The following DCDC2B variants were observed in gnomAD, a reference collection of about 807,000 sequenced individuals.
DCDC2B encodes the protein doublecortin domain-containing protein 2B.
In DCDC2B, 41 loss-of-function variants were observed where a neutral mutation model predicts 38.9. That is an observed-to-expected ratio of 1.05 (90% CI 0.82 to 1.37). The LOEUF is 1.37. Among genes scored for constraint, DCDC2B ranks in the 40% most tolerant of loss-of-function variants. The pLI, the probability that DCDC2B is intolerant of heterozygous loss-of-function variation, is 0.00. For synonymous variants in DCDC2B, 181 were observed against 171.9 expected, an observed-to-expected ratio of 1.05 and a Z score of -0.41; for missense variants, 453 against 427.2, an observed-to-expected ratio of 1.06 and a Z score of -0.53.
intron 2 of DCDC2B, among the ~76,000 whole-genome samples, chr1:32,211,538 G>A (rs532755997): frequency 1.2e-4 from 19 of 152,334 alleles, no homozygotes; most frequent in African/African-American, 4.3e-4. Context: ...GGTCCCCAAA[G>A]GAAAGAGAAA....
chr1:32,211,723 C>A, intron 2 of DCDC2B, 38 bp from the exon 3 acceptor site: 1 of 1,570,516 alleles, frequency 6.4e-7, no homozygotes, highest in East Asian at 2.4e-5. Flanking sequence ...ACCAAAGGCC[C>A]CAACTCTCCT....
Position 32,214,810 on chromosome 1 carries a change from G to A in DCDC2B, c.728G>A (p.Arg243Lys), listed in dbSNP as rs1183074049. 1 of 1,613,948 alleles carries A rather than the reference G, an allele frequency of 6.2e-7. No homozygotes were observed. ...TCCCTTCTCTAGGCCCAAGGCCACA[G>A]GGCCCAGGTAACCCAGCCCTCTCCA... is the stretch of plus-strand genomic sequence containing the variant. ...RPHRQGAQGH[R>K]AQVTQPSPKE... The change falls in exon 7 of 9, where the codon AGG (arginine) becomes AAG (lysine). Residue 243 changes from arginine (R) to lysine (K), a missense_variant. Coordinates refer to ENST00000409358, the MANE Select transcript of DCDC2B (RefSeq NM_001099434.2).
chr1:32,209,294 C>T lies in DCDC2B; in HGVS notation c.201C>T (p.Asn67=). 1.2e-6 allele frequency: 2 copies of T among 1,613,998 alleles called. No homozygotes were observed. The highest frequency in any genetic ancestry group is 1.7e-6 in the Non-Finnish European group (2 of 1,179,892). ...CTTGTCATGGCCACCCTGTCACCAA[C>T]CTGGCAGACTTGAAGAACAGAGGGC... ...YTPCHGHPVT[N]LADLKNRGQY... The change falls in exon 1 of 9, where the codon AAC becomes AAT. Residue 67 remains asparagine (N), a synonymous_variant. Coordinates refer to ENST00000409358, the MANE Select transcript of DCDC2B (RefSeq NM_001099434.2).
intron 7 of DCDC2B, 139 bp from the exon 8 acceptor site, chr1:32,215,301 C>G: frequency 1.4e-6 from 1 of 732,090 alleles, no homozygotes; most frequent in Non-Finnish European, 2.2e-6. Flanking sequence ...CCACCTCTCA[C>G]TTCCTTGCCA....
chr1:32,212,689 C>T, intron 5 of DCDC2B, 53 bp downstream of exon 5: 3 of 1,613,112 alleles, frequency 1.9e-6, no homozygotes, highest in Non-Finnish European at 2.5e-6. Flanking sequence ...AAGCCACCCT[C>T]TGGGTCTGTG....
At chr1:32,210,744 C>G (rs1044573979) in intron 1 of DCDC2B, among the ~76,000 whole-genome samples, 1 of 151,586 alleles carries the variant, frequency 6.6e-6, no homozygotes, top group Non-Finnish European at 1.5e-5. Flanking sequence ...GGGTCTTGCT[C>G]TGTCACCCAG....
chr1:32,209,329 C>T lies in DCDC2B; in HGVS notation c.236C>T (p.Ala79Val). The stretch of plus-strand genomic sequence containing the variant: ...TTGAAGAACAGAGGGCAGTATGTGG[C>T]CGCTGGATTTGAACGATTCCACAAG... Reference protein sequence around the residue: ...ADLKNRGQYVAAGFERFHKLH... With the variant: ...ADLKNRGQYVVAGFERFHKLH... The change falls in exon 1 of 9, where the codon GCC becomes GTC. Residue 79 changes from alanine to valine, a missense_variant. Transcript: ENST00000409358. 1 of 1,613,966 alleles carries T rather than the reference C, an allele frequency of 6.2e-7. No individual in the cohort carries two copies. The highest frequency in any genetic ancestry group is 1.1e-5 in the South Asian group (1 of 91,080).
At chr1:32,215,108 CGT>C in intron 7 of DCDC2B, 176 bp downstream of exon 7, 1 of 881,768 alleles carries the variant, frequency 1.1e-6, no homozygotes, top group Non-Finnish European at 1.6e-6. Context: ...GGAGACTGCC[CGT>C]AAAAAAAAAA....
At chr1:32,212,406 T>C in intron 4 of DCDC2B, 84 bp from the exon 5 acceptor site, 3 of 1,574,836 alleles carry the variant, frequency 1.9e-6, no homozygotes, top group Non-Finnish European at 2.6e-6. Context: ...CACCTTGGAA[T>C]AGCTGCACCC....
chr1:32,212,268 G>A (rs1643618309), intron 4 of DCDC2B, 67 bp downstream of exon 4: 2 of 1,589,862 alleles, frequency 1.3e-6, no homozygotes, highest in Admixed American at 1.7e-5. Context: ...TTCAGCTGTG[G>A]CTGAGGATGA....
At chr1:32,211,383 C>A in intron 2 of DCDC2B, 60 bp downstream of exon 2, 1 of 1,587,352 alleles carries the variant, frequency 6.3e-7, no homozygotes, top group Non-Finnish European at 8.6e-7. Flanking sequence ...CTGGAACTGC[C>A]CCCAATTTGG....
At position 32,216,062 on chromosome 1, in the gene DCDC2B, A is replaced by G; in HGVS notation, c.*165A>G. 1 of 723,030 alleles carries G rather than the reference A, an allele frequency of 1.4e-6. No homozygotes were observed. The highest frequency in any genetic ancestry group is 1.7e-5 in the South Asian group (1 of 58,844). The allele number at this position is 723,030 out of a possible 1,614,324, so 44.8% of individuals were successfully genotyped here. Reference sequence around the variant, plus strand: ...TCTCCTGCTCCTAAACCCACAGCCCAGCCTTCCCTTCCTCTGAGCAGAGCA... The same window carrying G: ...TCTCCTGCTCCTAAACCCACAGCCCGGCCTTCCCTTCCTCTGAGCAGAGCA... On this transcript the variant is annotated 3_prime_UTR_variant, in exon 9 of 9. Coordinates refer to ENST00000409358, the MANE Select transcript of DCDC2B (RefSeq NM_001099434.2).
chr1:32,209,156 C>T lies in DCDC2B; in HGVS notation c.63C>T (p.Phe21=). ...TGTACCGGAATGGGGACCCATTCTT[C>T]CCAGGCTCCCAGCTGGTGGTGACTC... is the stretch of plus-strand genomic sequence containing the variant. ...VVVYRNGDPF[F]PGSQLVVTQR... The change falls in exon 1 of 9, where the codon TTC becomes TTT. Residue 21 remains phenylalanine (F), a synonymous_variant. Coordinates refer to ENST00000409358, the MANE Select transcript of DCDC2B (RefSeq NM_001099434.2). The T allele has an allele frequency of 6.2e-7, 1 of 1,613,980 alleles. No homozygotes were observed. The highest frequency in any genetic ancestry group is 1.6e-4 in the Middle Eastern group (1 of 6,062).
At chr1:32,212,375 G>T in intron 4 of DCDC2B, 115 bp from the exon 5 acceptor site, 1 of 1,531,004 alleles carries the variant, frequency 6.5e-7, no homozygotes, top group African/African-American at 1.4e-5. Flanking sequence ...GGTAGAGCCT[G>T]GGTGCCTAGA....
At position 32,212,563 on chromosome 1, in the gene DCDC2B, G is replaced by A. The variant is rs201407418; in HGVS notation, c.601G>A (p.Gly201Arg). Reference sequence around the variant, plus strand: ...AACTGGCCATTACTATGTGGCTGTCGGAGAGGATGAGTTCAAGGACCTTCC... The same window carrying A: ...AACTGGCCATTACTATGTGGCTGTCAGAGAGGATGAGTTCAAGGACCTTCC... ...LVTGHYYVAV[G>R]EDEFKDLPYL... Residue 201 changes from glycine (G) to arginine (R), a missense_variant, in exon 5 of 9, where the codon GGA (glycine) becomes AGA (arginine). Physicochemically the swap from Gly to Arg is moderately radical, Grantham distance 125. Transcript: ENST00000409358. 157 of 1,614,022 alleles carry A rather than the reference G, an allele frequency of 9.7e-5. No homozygotes were observed. The Middle Eastern group carries it at 9.9e-4, about 10-fold the overall frequency.
Position 32,212,067 on chromosome 1 carries a change from C to T in DCDC2B, c.396-3C>T, listed in dbSNP as rs766588901. 6 of 1,610,304 alleles carry T rather than the reference C, an allele frequency of 3.7e-6. No individual in the cohort carries two copies. The South Asian group carries it at 5.5e-5, about 15-fold the overall frequency. On this transcript the variant is annotated splice_region_variant and splice_polypyrimidine_tract_variant and intron_variant, in intron 3 of 8. Transcript: ENST00000409358. ...CTCCCCCTTACCAGGCTTTTTGTCT[C>T]AGTGTGTTCAGGAATGGGGACCTGG...
At position 32,212,309 on chromosome 1, in the gene DCDC2B, T is replaced by C. The variant is rs993564635; in HGVS notation, c.527+108T>C. On this transcript the variant is annotated intron_variant, in intron 4 of 8. Transcript: ENST00000409358. ...CAAAAGGAAAGCATGTTCCCCCACA[T>C]GGGACTTCCCCCTATGCCACTGGGA... 5.8e-6 allele frequency: 9 copies of C among 1,555,372 alleles called. No homozygotes were observed. In the African/African-American group the frequency reaches 1.1e-4, roughly 19 times the overall value.
chr1:32,215,474 G>A lies in DCDC2B; in HGVS notation c.885G>A (p.Arg295=), dbSNP rs369087066. The change falls in exon 8 of 9, where the codon AGG becomes AGA. Residue 295 remains arginine (R), a synonymous_variant. Transcript: ENST00000409358. ...GAGTATATGGAGCTCCCCACCGAAG[G>A]AAGGAGACAGCGGGGGCCCTGGAAG... ...VIGVYGAPHR[R]KETAGALEVA... The A allele has an allele frequency of 1.2e-6, 2 of 1,613,462 alleles. No individual in the cohort carries two copies. Among genetic ancestry groups the A allele is most frequent in the African/African-American group, 1.3e-5 (1 of 74,914 alleles).
Position 32,215,989 on chromosome 1 carries a change from C to G in DCDC2B, c.*92C>G. 3 of 1,071,200 alleles carry G rather than the reference C, an allele frequency of 2.8e-6. No individual in the cohort carries two copies. Among genetic ancestry groups the G allele is most frequent in the Non-Finnish European group, 4.2e-6 (3 of 718,724 alleles). 66.4% of individuals were successfully genotyped at this position (1,071,200 alleles called of 1,614,324 possible). A position where few individuals can be genotyped will look rare whatever the true frequency, so the allele number is the denominator to read the frequency against. ...CAGCTTGTTCCTCAGGAGCCAGCAC[C>G]TCCGCTGGGCTCACAGGGTACACTG... On this transcript the variant is annotated 3_prime_UTR_variant, in exon 9 of 9. Transcript: ENST00000409358.
Sources: allele counts gnomAD v4.1 joint callset (sites outside exome capture counted in the v4.1 genomes callset), GRCh38; gene constraint gnomAD v4.1.1; transcripts MANE v1.5; gene names NCBI Gene and HGNC (gene_info 2026-07-23, HGNC 2026-07-21).